The following FHIT variants were observed in gnomAD, a reference collection of about 807,000 sequenced individuals.
FHIT encodes the protein bis(5'-adenosyl)-triphosphatase.
Under a neutral mutation model 17.9 loss-of-function variants are expected in FHIT, and 19 were observed. The ratio of observed to expected loss-of-function variants is 1.06; its 90% CI spans 0.74 to 1.56. FHIT has a LOEUF of 1.56. Ranked by LOEUF, FHIT falls within the 40% of genes most tolerant of loss-of-function variation. FHIT has a pLI of 0.00. For missense variants in FHIT, 248 were observed against 189.2 expected, an observed-to-expected ratio of 1.31 and a Z score of -1.82; for synonymous variants, 81 against 69.7, an observed-to-expected ratio of 1.16 and a Z score of -0.81.
chr3:60,172,130 T>C (rs1014957459), intron 5 of FHIT, among the ~76,000 whole-genome samples: 4 of 152,292 alleles, frequency 2.6e-5, no homozygotes, highest in Admixed American at 6.5e-5. Context: ...AAAAGGCGCA[T>C]GGCTCTTCAA....
intron 4 of FHIT, among the ~76,000 whole-genome samples, chr3:60,578,440 AACAC>A (rs71748891): frequency 0.26 from 38,042 of 144,234 alleles, 5,314 homozygotes; most frequent in Non-Finnish European, 0.32. Flanking sequence ...CCATCTACAA[AACAC>A]ACACACACAC....
chr3:60,401,977 G>A (rs1366804660), intron 5 of FHIT, among the ~76,000 whole-genome samples: 2 of 151,984 alleles, frequency 1.3e-5, no homozygotes, highest in Non-Finnish European at 2.9e-5. Flanking sequence ...CTGTAATGAT[G>A]GCAGCCTTTA....
intron 4 of FHIT, among the ~76,000 whole-genome samples, chr3:60,792,643 C>T (rs1458221524): frequency 6.6e-6 from 1 of 152,134 alleles, no homozygotes. Flanking sequence ...AAATGACATG[C>T]TTTATTTGAC....
At chr3:60,455,725 A>G (rs1341652532) in intron 5 of FHIT, among the ~76,000 whole-genome samples, 1 of 152,088 alleles carries the variant, frequency 6.6e-6, no homozygotes, top group Non-Finnish European at 1.5e-5. Flanking sequence ...TTCTGCAATT[A>G]AGGATCCTGA....
intron 7 of FHIT, among the ~76,000 whole-genome samples, chr3:59,971,305 C>T (rs1284121861): frequency 6.6e-6 from 1 of 152,028 alleles, no homozygotes; most frequent in Non-Finnish European, 1.5e-5. Context: ...AATATTTTTT[C>T]TCAAAAATGT....
chr3:60,403,505 T>C (rs955600740), intron 5 of FHIT, among the ~76,000 whole-genome samples: 2 of 152,132 alleles, frequency 1.3e-5, no homozygotes, highest in African/African-American at 4.8e-5. Flanking sequence ...TTTCTCCCCA[T>C]AGGCCAGCCA....
intron 5 of FHIT, among the ~76,000 whole-genome samples, chr3:60,452,519 CAAAT>C (rs1327381882): frequency 1.3e-5 from 2 of 152,184 alleles, no homozygotes; most frequent in African/African-American, 2.4e-5. Flanking sequence ...AGAATGTGAC[CAAAT>C]AAAGATATTT....
chr3:59,823,322 G>A (rs887564210), intron 8 of FHIT, among the ~76,000 whole-genome samples: 1 of 152,150 alleles, frequency 6.6e-6, no homozygotes, highest in Non-Finnish European at 1.5e-5. Context: ...CTCTAATTCT[G>A]TGAAGAATGA....
intron 2 of FHIT, among the ~76,000 whole-genome samples, chr3:61,149,063 G>A (rs1224096017): frequency 6.6e-6 from 1 of 152,170 alleles, no homozygotes; most frequent in Admixed American, 6.5e-5. Context: ...AAGTATAGTA[G>A]AGAAAGAAAA....
At chr3:60,864,079 G>C (rs542223779) in intron 3 of FHIT, among the ~76,000 whole-genome samples, 1 of 152,156 alleles carries the variant, frequency 6.6e-6, no homozygotes, top group Non-Finnish European at 1.5e-5. Flanking sequence ...AGGCAAGAGA[G>C]CATGTGAAGA....
At chr3:60,403,521 C>T (rs9865860) in intron 5 of FHIT, among the ~76,000 whole-genome samples, 4,881 of 152,238 alleles carry the variant, frequency 0.032, 122 homozygotes, top group African/African-American at 0.069. Flanking sequence ...AGCCACAAAA[C>T]CTAAAAATAT....
intron 4 of FHIT, among the ~76,000 whole-genome samples, chr3:60,676,792 A>G (rs1360245213): frequency 6.6e-6 from 1 of 152,198 alleles, no homozygotes; most frequent in African/African-American, 2.4e-5. Context: ...AGGAGGTGCC[A>G]TTATGTTTCA....
intron 3 of FHIT, among the ~76,000 whole-genome samples, chr3:60,885,351 TAA>T (rs1428432676): frequency 6.6e-6 from 1 of 152,150 alleles, no homozygotes; most frequent in South Asian, 2.1e-4. Flanking sequence ...TAAAAAACAT[TAA>T]GTTTAAAATA....
At chr3:60,582,276 C>T (rs559426048) in intron 4 of FHIT, among the ~76,000 whole-genome samples, 13 of 151,936 alleles carry the variant, frequency 8.6e-5, no homozygotes, top group Non-Finnish European at 1.3e-4. Flanking sequence ...ATGTGGGGGG[C>T]GACTAGTCAT....
intron 5 of FHIT, among the ~76,000 whole-genome samples, chr3:60,083,873 C>A (rs1028339041): frequency 6.6e-6 from 1 of 152,208 alleles, no homozygotes; most frequent in Non-Finnish European, 1.5e-5. Context: ...AAATCATCCT[C>A]AGACAAAATT....
chr3:60,526,170 G>T (rs1048224854), intron 5 of FHIT, among the ~76,000 whole-genome samples: 5 of 138,218 alleles, frequency 3.6e-5, no homozygotes, highest in Non-Finnish European at 6.0e-5. Flanking sequence ...ACACAAACAG[G>T]TGACAGGTAA....
intron 2 of FHIT, among the ~76,000 whole-genome samples, chr3:61,188,467 G>A (rs1267088573): frequency 6.6e-6 from 1 of 152,140 alleles, no homozygotes; most frequent in Non-Finnish European, 1.5e-5. Flanking sequence ...AAAAGTCCAG[G>A]ACCAGAGGGA....
intron 8 of FHIT, among the ~76,000 whole-genome samples, chr3:59,866,172 G>T (rs925139956): frequency 6.6e-6 from 1 of 152,138 alleles, no homozygotes; most frequent in Admixed American, 6.5e-5. Context: ...GAGAGGACAG[G>T]GAAAGCCTGG....
intron 3 of FHIT, among the ~76,000 whole-genome samples, chr3:60,953,187 C>T (rs1012047862): frequency 1.2e-4 from 19 of 152,192 alleles, no homozygotes; most frequent in African/African-American, 4.3e-4. Flanking sequence ...AATATAAGTG[C>T]CAAAAATATA....
Sources: gnomAD v4.1 joint callset for allele counts (sites outside exome capture counted in the v4.1 genomes callset) on GRCh38, gnomAD v4.1.1 for gene constraint, MANE v1.5 for transcripts, NCBI Gene and HGNC (gene_info 2026-07-23, HGNC 2026-07-21) for gene names.